The following DDX19B variants were observed in gnomAD, a reference collection of about 807,000 sequenced individuals.
DDX19B encodes ATP-dependent RNA helicase DDX19B.
Under a neutral mutation model 58.1 loss-of-function variants are expected in DDX19B, and 27 were observed. The ratio of observed to expected loss-of-function variants is 0.46; its 90% CI spans 0.34 to 0.64. The LOEUF (loss-of-function observed/expected upper bound fraction) is 0.64, where lower values mean the gene tolerates loss of function less well. Ranked by LOEUF, DDX19B falls within the 30% of genes least tolerant of loss-of-function variation. The pLI, the probability that DDX19B is intolerant of heterozygous loss-of-function variation, is 0.01. For synonymous variants in DDX19B, 187 were observed against 214.4 expected (o/e 0.87, Z 1.12); for missense variants, 399 against 596.5 (o/e 0.67, Z 3.45).
intron 5 of DDX19B, among the ~76,000 whole-genome samples, chr16:70,321,458 C>A (rs1962808448): frequency 6.6e-6 from 1 of 152,072 alleles, no homozygotes; most frequent in African/African-American, 2.4e-5. Flanking sequence ...TAGAAGAGAC[C>A]AGCATTATTA....
upstream of DDX19B, among the ~76,000 whole-genome samples, chr16:70,295,263 C>G (rs994711899): frequency 6.6e-6 from 1 of 152,098 alleles, no homozygotes; most frequent in African/African-American, 2.4e-5. Flanking sequence ...TTAGGAGAGT[C>G]TGAAACCCCG....
intron 7 of DDX19B, among the ~76,000 whole-genome samples, chr16:70,326,794 C>A (rs1343487521): frequency 6.6e-6 from 1 of 151,916 alleles, no homozygotes; most frequent in African/African-American, 2.4e-5. Context: ...CCTCGGCCTC[C>A]CAAAGTGCTG....
intron 5 of DDX19B, among the ~76,000 whole-genome samples, chr16:70,319,298 C>T (rs1012176735): frequency 1.3e-5 from 2 of 152,046 alleles, no homozygotes; most frequent in East Asian, 1.9e-4. Context: ...CTGAATAATA[C>T]AGTTACTAAG....
chr16:70,316,747 G>C (rs529581271), intron 4 of DDX19B, among the ~76,000 whole-genome samples: 1 of 152,286 alleles, frequency 6.6e-6, no homozygotes, highest in South Asian at 2.1e-4. Flanking sequence ...CATGTATTCA[G>C]TTCACCACAG....
At position 70,317,574 on chromosome 16, in the gene DDX19B, G is replaced by A; in HGVS notation, c.375G>A (p.Leu125=). The change falls in exon 5 of 12, where the codon CTG becomes CTA. Residue 125 remains leucine, a synonymous_variant. Coordinates refer to ENST00000288071, the MANE Select transcript of DDX19B (RefSeq NM_007242.7). ...PSKIQENALP[L]MLAEPPQNLI... ...AGATACAAGAGAACGCATTGCCACT[G>A]ATGCTTGCTGAGCCGTATGTGTCCT... 1 of 1,612,408 alleles carries A rather than the reference G, an allele frequency of 6.2e-7. No homozygotes were observed. Among genetic ancestry groups the A allele is most frequent in the Non-Finnish European group, 8.5e-7 (1 of 1,178,882 alleles).
intron 9 of DDX19B, 126 bp downstream of exon 9, chr16:70,330,194 T>C: frequency 9.2e-7 from 1 of 1,085,726 alleles, no homozygotes; most frequent in Non-Finnish European, 1.4e-6. Context: ...CCTAAGGTTT[T>C]AGTGAGTCGT....
intron 5 of DDX19B, among the ~76,000 whole-genome samples, chr16:70,322,519 G>A (rs1962893282): frequency 6.6e-6 from 1 of 150,604 alleles, no homozygotes; most frequent in African/African-American, 2.4e-5. Flanking sequence ...AATCCGCATA[G>A]TGGCGGTTGC....
At chr16:70,316,227 C>A in intron 4 of DDX19B, 123 bp downstream of exon 4, 1 of 965,110 alleles carries the variant, frequency 1.0e-6, no homozygotes, top group East Asian at 2.8e-5. Flanking sequence ...TTTTTTTTTT[C>A]GAGACAGAGT....
At chr16:70,324,839 G>A in intron 6 of DDX19B, 152 bp downstream of exon 6, 1 of 624,542 alleles carries the variant, frequency 1.6e-6, no homozygotes, top group South Asian at 2.1e-5. Context: ...ATCACCTGAG[G>A]TCAGGAGTTC....
rs1963634284 is a variant in DDX19B at position 70,334,557 on chromosome 16, C to G, written c.*975C>G. The G allele has an allele frequency of 6.6e-6, 1 of 152,044 alleles. No homozygotes were observed. Among genetic ancestry groups the G allele is most frequent in the Non-Finnish European group, 1.5e-5 (1 of 68,028 alleles). 9.4% of individuals were successfully genotyped at this position (152,044 alleles called of 1,614,324 possible). On this transcript the variant is annotated 3_prime_UTR_variant, in exon 12 of 12. Coordinates refer to ENST00000288071, the MANE Select transcript of DDX19B (RefSeq NM_007242.7). Reference sequence around the variant, plus strand: ...ACAAATTCTTGTTTTGTCTCCACACCCAGAAGGCAAGTTTTGTCAGAGCTG... The same window carrying G: ...ACAAATTCTTGTTTTGTCTCCACACGCAGAAGGCAAGTTTTGTCAGAGCTG...
intron 5 of DDX19B, among the ~76,000 whole-genome samples, chr16:70,318,267 G>A (rs1016479272): frequency 6.0e-5 from 9 of 151,042 alleles, no homozygotes; most frequent in South Asian, 4.2e-4. Context: ...CCAGCTACTC[G>A]GGAAGCTGAG....
chr16:70,306,802 A>G (rs766301977), intron 1 of DDX19B, among the ~76,000 whole-genome samples: 1 of 152,206 alleles, frequency 6.6e-6, no homozygotes, highest in Non-Finnish European at 1.5e-5. Context: ...TGTGTAGCTT[A>G]TATCACAGTC....
At position 70,333,508 on chromosome 16, in the gene DDX19B, A is replaced by C; in HGVS notation, c.1379-13A>C. ...TCCTGGGCAGGGTAGAGACCTGTGT[A>C]TCTTTCCCCCAGATAAGAAGATAGA... is the stretch of plus-strand genomic sequence containing the variant. On this transcript the variant is annotated splice_polypyrimidine_tract_variant and intron_variant, in intron 11 of 11. Transcript: ENST00000288071. 1 of 1,613,996 alleles carries C rather than the reference A, an allele frequency of 6.2e-7. No individual in the cohort carries two copies. The highest frequency in any genetic ancestry group is 1.1e-5 in the South Asian group (1 of 91,080).
intron 5 of DDX19B, 144 bp downstream of exon 5, chr16:70,317,732 G>A: frequency 1.9e-6 from 1 of 537,802 alleles, no homozygotes; most frequent in South Asian, 2.6e-5. Context: ...CAGGCCAGGA[G>A]TTCAAGACCA....
intron 1 of DDX19B, among the ~76,000 whole-genome samples, chr16:70,304,714 C>G (rs1463156489): frequency 6.6e-6 from 1 of 151,964 alleles, no homozygotes. Context: ...TTTAAAAGTC[C>G]TTTGGTTTTC....
intron 1 of DDX19B, among the ~76,000 whole-genome samples, chr16:70,312,256 TC>T (rs748838949): frequency 1.3e-5 from 2 of 151,958 alleles, no homozygotes; most frequent in East Asian, 1.9e-4. Flanking sequence ...ATGCAGCGAT[TC>T]CCCCCCACAC....
intron 1 of DDX19B, among the ~76,000 whole-genome samples, chr16:70,305,947 T>G (rs1343140833): frequency 6.6e-6 from 1 of 151,830 alleles, no homozygotes; most frequent in Non-Finnish European, 1.5e-5. Flanking sequence ...ATTTTTTTGG[T>G]AGAGATGAGG....
rs1288953482 is a variant in DDX19B at position 70,324,817 on chromosome 16, C to T, written c.492+130C>T. ...CTGTAATCCCAGCACTTTGGGAGGC[C>T]GAGGTGGGCGGATCACCTGAGGTCA... is the stretch of plus-strand genomic sequence containing the variant. On this transcript the variant is annotated intron_variant, in intron 6 of 11. Coordinates refer to ENST00000288071, the MANE Select transcript of DDX19B (RefSeq NM_007242.7). The T allele has an allele frequency of 2.6e-5, 20 of 771,906 alleles. No individual in the cohort carries two copies. The East Asian group carries it at 5.0e-4, about 19-fold the overall frequency. 47.8% of individuals were successfully genotyped at this position (771,906 alleles called of 1,614,324 possible).
At chr16:70,306,778 G>T (rs562985729) in intron 1 of DDX19B, among the ~76,000 whole-genome samples, 31 of 152,216 alleles carry the variant, frequency 2.0e-4, no homozygotes, top group African/African-American at 6.7e-4. Flanking sequence ...ACTGATGGTT[G>T]GTGTATTCAG....
Sources: gnomAD v4.1 joint callset for allele counts (sites outside exome capture counted in the v4.1 genomes callset) on GRCh38, gnomAD v4.1.1 for gene constraint, MANE v1.5 for transcripts, NCBI Gene and HGNC (gene_info 2026-07-23, HGNC 2026-07-21) for gene names.